Variants in EBF3 observed in about 807,000 individuals in gnomAD.
The protein encoded by EBF3 is EBF transcription factor 3.
EBF3 carries 18 observed loss-of-function variants against 77.1 expected under a neutral mutation model. The ratio of observed to expected loss-of-function variants is 0.23; its 90% CI spans 0.16 to 0.35. EBF3 has a LOEUF of 0.35. EBF3 is among the 10% of genes least tolerant of loss of function. The probability of loss-of-function intolerance (pLI) is 1.00; values close to 1 mark genes in which losing one functional copy is unlikely to be tolerated. For synonymous variants in EBF3, 350 were observed against 343.5 expected, an observed-to-expected ratio of 1.02 and a Z score of -0.21; for missense variants, 558 against 860.0, an observed-to-expected ratio of 0.65 and a Z score of 4.39.
chr10:129,873,620 A>C, intron 7 of EBF3, 24 bp from the exon 8 acceptor site: 1 of 1,498,662 alleles, frequency 6.7e-7, no homozygotes. Flanking sequence ...GTGGATTTGA[A>C]AATGGAATTG....
chr10:129,926,708 CA>C (rs1370715100), intron 6 of EBF3, among the ~76,000 whole-genome samples: 1 of 152,176 alleles, frequency 6.6e-6, no homozygotes, highest in Non-Finnish European at 1.5e-5. Flanking sequence ...GAAAAACAAA[CA>C]TGGGAGAATG....
chr10:129,836,870 G>C lies in EBF3; in HGVS notation c.*1073C>G, dbSNP rs901773998. On this transcript the variant is annotated 3_prime_UTR_variant, in exon 17 of 17. Transcript: ENST00000440978. ...TACAAAATAAAGTCCCTTAGCAACT[G>C]CAAGTGTTCATGGGAAAGTAAGTGT... 2 of 152,640 alleles carry C rather than the reference G, an allele frequency of 1.3e-5. No homozygotes were observed. The highest frequency in any genetic ancestry group is 1.5e-5 in the Non-Finnish European group (1 of 68,030). The allele number at this position is 152,640 out of a possible 1,614,324, so 9.5% of individuals were successfully genotyped here.
chr10:129,958,140 G>T (rs1859179304), intron 5 of EBF3, among the ~76,000 whole-genome samples: 1 of 152,180 alleles, frequency 6.6e-6, no homozygotes, highest in Admixed American at 6.5e-5. Flanking sequence ...CCTGATATGA[G>T]AAAAAGTCAG....
chr10:129,866,938 G>A (rs1852059643), intron 10 of EBF3, among the ~76,000 whole-genome samples: 1 of 152,228 alleles, frequency 6.6e-6, no homozygotes, highest in Non-Finnish European at 1.5e-5. Flanking sequence ...CACGGGGGCT[G>A]CCCCATCCAC....
rs1196596276 is a variant in EBF3 at position 129,848,069 on chromosome 10, C to T, written c.1128+323G>A. ...TGGAAAATGTTTAATTGAACTATTT[C>T]ATTACGCGGAAGTTTATGTCCCCCT... On this transcript the variant is annotated intron_variant, in intron 11 of 16. Transcript: ENST00000440978. The surrounding 1 kb of genome is among the most constrained non-coding windows in gnomAD (Gnocchi z 4.4). 6.6e-6 allele frequency among the ~76,000 whole-genome samples: 1 copy of T among 152,220 alleles called. No homozygotes were observed.
chr10:129,900,820 C>A (rs1429492497), intron 6 of EBF3, among the ~76,000 whole-genome samples: 1 of 152,244 alleles, frequency 6.6e-6, no homozygotes, highest in Non-Finnish European at 1.5e-5. Context: ...CACAGGCAAC[C>A]TGGGTAGACT....
At chr10:129,917,074 A>G (rs1465480085) in intron 6 of EBF3, among the ~76,000 whole-genome samples, 2 of 152,248 alleles carry the variant, frequency 1.3e-5, no homozygotes, top group Non-Finnish European at 2.9e-5. Context: ...TCATGTATTA[A>G]AAGTGGGACA....
rs1017902018 is a variant in EBF3, at chr10:129,943,517, C to G, written c.554+13741G>C. Among the ~76,000 whole-genome samples, 1 of 152,154 alleles carries G rather than the reference C, an allele frequency of 6.6e-6. No homozygotes were observed. Among genetic ancestry groups the G allele is most frequent in the Non-Finnish European group, 1.5e-5 (1 of 68,040 alleles). ...CTGGAGGTTAGAGATTGGATAATTT[C>G]TTTCAGCTGGACCTGGCCTCCAGCG... is the stretch of plus-strand genomic sequence containing the variant. On this transcript the variant is annotated intron_variant, in intron 6 of 16. Transcript: ENST00000440978. This position sits in a 1 kb window ranked among gnomAD's most constrained non-coding sequence, Gnocchi z 8.8.
chr10:129,918,879 C>T (rs1856075623), intron 6 of EBF3, among the ~76,000 whole-genome samples: 1 of 152,240 alleles, frequency 6.6e-6, no homozygotes, highest in Non-Finnish European at 1.5e-5. Context: ...ATTTTTTAAT[C>T]CCTGAAACGT....
At chr10:129,889,422 T>C (rs1853853059) in intron 6 of EBF3, among the ~76,000 whole-genome samples, 1 of 152,224 alleles carries the variant, frequency 6.6e-6, no homozygotes, top group Admixed American at 6.5e-5. Context: ...TGCAACACAC[T>C]TGGGACAGAC....
intron 6 of EBF3, among the ~76,000 whole-genome samples, chr10:129,918,197 G>T (rs1478614817): frequency 2.0e-5 from 3 of 152,194 alleles, no homozygotes; most frequent in African/African-American, 4.8e-5. Context: ...TGGCATTTTT[G>T]AGAAGAGCTC....
chr10:129,854,779 A>T (rs1564827850), intron 10 of EBF3, among the ~76,000 whole-genome samples: 1 of 152,234 alleles, frequency 6.6e-6, no homozygotes. Flanking sequence ...TTTCTCAATA[A>T]ATTTGGCAAT....
chr10:129,867,785 G>A lies in EBF3; in HGVS notation c.909C>T (p.Ser303=), dbSNP rs1852129868. ...QVVFGTMLVW[S]ELITPHAIRV... ...CTGACCGAGTCCGCGGGCTTACCTC[G>A]CTCCACACCAACATAGTTCCGAATA... The change falls in exon 9 of 17, where the codon AGC becomes AGT. Residue 303 remains serine (S), a synonymous_variant. Coordinates refer to ENST00000440978, the MANE Select transcript of EBF3 (RefSeq NM_001375380.1). The A allele has an allele frequency of 3.1e-6, 5 of 1,614,040 alleles. No homozygotes were observed. Among genetic ancestry groups the A allele is most frequent in the South Asian group, 1.1e-5 (1 of 91,084 alleles).
intron 6 of EBF3, among the ~76,000 whole-genome samples, chr10:129,920,525 C>G (rs983344430): frequency 6.6e-6 from 1 of 152,218 alleles, no homozygotes; most frequent in African/African-American, 2.4e-5. Flanking sequence ...CTCCTCCTGA[C>G]CCAGCTGGGG....
intron 6 of EBF3, among the ~76,000 whole-genome samples, chr10:129,930,304 T>C (rs1856917315): frequency 6.6e-6 from 1 of 152,144 alleles, no homozygotes; most frequent in Non-Finnish European, 1.5e-5. Context: ...CCAATTCCCT[T>C]AACAAATCCC....
At chr10:129,893,715 C>T (rs1255129896) in intron 6 of EBF3, among the ~76,000 whole-genome samples, 1 of 152,184 alleles carries the variant, frequency 6.6e-6, no homozygotes, top group African/African-American at 2.4e-5. Context: ...CGCATGAAAC[C>T]CGGACCACCT....
intron 6 of EBF3, among the ~76,000 whole-genome samples, chr10:129,931,899 A>G (rs1369665408): frequency 1.3e-5 from 2 of 152,118 alleles, no homozygotes; most frequent in Non-Finnish European, 2.9e-5. Flanking sequence ...CCTGGTACCC[A>G]AATGTCTCCA....
At chr10:129,912,884 G>T (rs542471044) in intron 6 of EBF3, among the ~76,000 whole-genome samples, 1 of 152,194 alleles carries the variant, frequency 6.6e-6, no homozygotes. Flanking sequence ...TGTATGCAGC[G>T]TTTCATTACA....
chr10:129,840,524 C>CCG, intron 14 of EBF3, 82 bp from the exon 15 acceptor site: 2 of 1,457,322 alleles, frequency 1.4e-6, no homozygotes, highest in South Asian at 2.6e-5. Flanking sequence ...TCGCCTCGGA[C>CCG]GGGGGGGCAG....
Sources: allele counts gnomAD v4.1 joint callset (sites outside exome capture counted in the v4.1 genomes callset), GRCh38; gene constraint gnomAD v4.1.1; non-coding constraint Gnocchi (gnomAD v3.1); transcripts MANE v1.5; gene names NCBI Gene and HGNC (gene_info 2026-07-23, HGNC 2026-07-21).